Variants in IAPP observed in about 807,000 individuals in gnomAD.
IAPP encodes Islet amyloid polypeptide (diabetes-associated peptide; amylin).
Under a neutral mutation model 2.9 loss-of-function variants are expected in IAPP, and 4 were observed. The observed-to-expected ratio is 1.39, with a 90% CI of 0.69 to 3.19. IAPP has a LOEUF of 3.19. Among genes scored for constraint, IAPP ranks in the 30% most tolerant of loss-of-function variants. The pLI is 0.01. For synonymous variants in IAPP, 40 were observed against 42.1 expected, an observed-to-expected ratio of 0.95 and a Z score of 0.19; for missense variants, 114 against 105.3, an observed-to-expected ratio of 1.08 and a Z score of -0.36.
In IAPP at chr12:21,366,625, A is replaced by C. The variant is rs867956766; in HGVS notation, c.-15-6712A>C. On this transcript the variant is annotated intron_variant, in intron 1 of 2. Coordinates refer to the IAPP transcript ENST00000539393. The stretch of plus-strand genomic sequence containing the variant: ...GGGATCTGAAGGAAATGAAGACCAC[A>C]ACAGAAGGAGAATTTTGAAAAGAAA... Among the ~76,000 whole-genome samples, 10 of 152,202 alleles carry C rather than the reference A, an allele frequency of 6.6e-5. 1 individual carries two copies. The South Asian group carries it at 1.4e-3, about 22-fold the overall frequency.
intron 2 of IAPP, chr12:21,376,216 G>T (rs17680787): frequency 0.19 from 31,325 of 161,134 alleles, 3,255 homozygotes; most frequent in African/African-American, 0.27. Context: ...AGCATATAAA[G>T]TATTTCACAC....
chr12:21,365,740 A>G (rs1180815303), intron 1 of IAPP, among the ~76,000 whole-genome samples: 1 of 152,206 alleles, frequency 6.6e-6, no homozygotes, highest in East Asian at 1.9e-4. Flanking sequence ...TGGGTGAAGG[A>G]TATGAACAGA....
Position 21,362,869 on chromosome 12 carries a change from A to T in IAPP, c.-16+7856A>T, listed in dbSNP as rs534696696. Among the ~76,000 whole-genome samples, 4 of 152,348 alleles carry T rather than the reference A, an allele frequency of 2.6e-5. No individual in the cohort carries two copies. The South Asian group carries it at 6.2e-4, about 24-fold the overall frequency. Reference sequence around the variant, plus strand: ...ACTATCCTAAATATATATGCATCCAATACAGGAGCACCCAGATTCATAAAG... The same window carrying T: ...ACTATCCTAAATATATATGCATCCATTACAGGAGCACCCAGATTCATAAAG... On this transcript the variant is annotated intron_variant, in intron 1 of 2. Coordinates refer to the IAPP transcript ENST00000539393.
At chr12:21,357,963 G>A (rs1015334720) in intron 1 of IAPP, among the ~76,000 whole-genome samples, 1 of 152,160 alleles carries the variant, frequency 6.6e-6, no homozygotes. Context: ...CTAAGTGAGA[G>A]GGCACTGCTC....
chr12:21,372,729 G>A (rs779062715), upstream of IAPP, among the ~76,000 whole-genome samples: 1 of 152,164 alleles, frequency 6.6e-6, no homozygotes, highest in Non-Finnish European at 1.5e-5. Flanking sequence ...TATTTGCTAC[G>A]TTAATATTTA....
intron 1 of IAPP, among the ~76,000 whole-genome samples, chr12:21,365,256 A>G (rs1352882665): frequency 1.3e-5 from 2 of 152,164 alleles, no homozygotes; most frequent in South Asian, 2.1e-4. Context: ...ATCTACAACC[A>G]TCTGATCTTT....
At chr12:21,363,138 G>C (rs1591883048) in intron 1 of IAPP, among the ~76,000 whole-genome samples, 1 of 152,254 alleles carries the variant, frequency 6.6e-6, no homozygotes, top group Non-Finnish European at 1.5e-5. Context: ...GGACCACATA[G>C]TTGGAAGTAA....
chr12:21,357,403 AT>A (rs1384647522), intron 1 of IAPP, among the ~76,000 whole-genome samples: 1 of 152,234 alleles, frequency 6.6e-6, no homozygotes, highest in Non-Finnish European at 1.5e-5. Flanking sequence ...AGAAAGAGGC[AT>A]GGAACAGCCC....
chr12:21,358,612 T>C, intron 1 of IAPP, among the ~76,000 whole-genome samples: 1 of 152,280 alleles, frequency 6.6e-6, no homozygotes, highest in Admixed American at 6.5e-5. Context: ...ATTTTATCAC[T>C]AGTTAATACT....
intron 1 of IAPP, among the ~76,000 whole-genome samples, chr12:21,367,295 A>G (rs1939459359): frequency 6.6e-6 from 1 of 152,186 alleles, no homozygotes; most frequent in Non-Finnish European, 1.5e-5. Flanking sequence ...TATATGTTCC[A>G]TCAAAATAAG....
intron 1 of IAPP, among the ~76,000 whole-genome samples, chr12:21,363,982 G>C (rs547023958): frequency 6.6e-6 from 1 of 152,276 alleles, no homozygotes; most frequent in South Asian, 2.1e-4. Context: ...AGAGGAGCTG[G>C]TACCATTCCT....
chr12:21,360,725 C>T (rs1448487024), intron 1 of IAPP, among the ~76,000 whole-genome samples: 1 of 152,214 alleles, frequency 6.6e-6, no homozygotes, highest in African/African-American at 2.4e-5. Context: ...GCAAATGGCA[C>T]ACCAGGAGAT....
rs904381884 is a variant in IAPP at position 21,373,401 on chromosome 12, T to A, written c.50T>A (p.Leu17Ter). Residue 17 changes from leucine to a stop codon, truncating the protein, a stop_gained, in exon 2 of 3, where the codon TTG (leucine) becomes TAG (stop). Transcript: ENST00000240652. LOFTEE classifies it low-confidence loss of function (END_TRUNC). ...TTTCTCATTGTGCTCTCTGTTGCAT[T>A]GAACCATCTGAAAGCTACACCCATT... ...QVFLIVLSVA[L>*]NHLKATPIES... 5 of 1,613,330 alleles carry A rather than the reference T, an allele frequency of 3.1e-6. No individual in the cohort carries two copies. In the African/African-American group the frequency reaches 5.3e-5, roughly 17 times the overall value.
In IAPP at chr12:21,378,478, T is replaced by A. The variant is rs1940373095; in HGVS notation, c.*52T>A. ...TTTTATGTTCTAGTGATTTCCTGTA[T>A]AATTTAACAGTGCCCTTTTCATCTC... On this transcript the variant is annotated 3_prime_UTR_variant, in exon 3 of 3. Transcript: ENST00000240652. 6 of 1,461,594 alleles carry A rather than the reference T, an allele frequency of 4.1e-6. No homozygotes were observed. Among genetic ancestry groups the A allele is most frequent in the Admixed American group, 3.3e-5 (2 of 59,808 alleles). The allele number at this position is 1,461,594 out of a possible 1,614,324, so 90.5% of individuals were successfully genotyped here.
At chr12:21,358,373 A>G (rs965520120) in intron 1 of IAPP, among the ~76,000 whole-genome samples, 1 of 152,200 alleles carries the variant, frequency 6.6e-6, no homozygotes, top group African/African-American at 2.4e-5. Context: ...TTTAAAACAC[A>G]TATTTTTCCT....
At chr12:21,366,307 C>A (rs1295885971) in intron 1 of IAPP, among the ~76,000 whole-genome samples, 1 of 151,330 alleles carries the variant, frequency 6.6e-6, no homozygotes, top group Non-Finnish European at 1.5e-5. Context: ...GGACAAAAAA[C>A]CAAACACCAC....
chr12:21,363,098 C>T (rs1939062706), intron 1 of IAPP, among the ~76,000 whole-genome samples: 1 of 152,208 alleles, frequency 6.6e-6, no homozygotes, highest in South Asian at 2.1e-4. Context: ...ATACATTCTT[C>T]TCAGCAACAC....
At chr12:21,373,667 T>C in intron 2 of IAPP, 1 of 701,386 alleles carries the variant, frequency 1.4e-6, no homozygotes, top group East Asian at 2.7e-5. Context: ...TCCAGTTTTG[T>C]CAAGAAATAT....
intron 1 of IAPP, among the ~76,000 whole-genome samples, chr12:21,367,072 G>T (rs1252785285): frequency 2.6e-5 from 4 of 151,982 alleles, no homozygotes; most frequent in Non-Finnish European, 5.9e-5. Context: ...AATATATCAG[G>T]AATACAGAAA....
Sources: gnomAD v4.1 joint callset for allele counts (sites outside exome capture counted in the v4.1 genomes callset) on GRCh38, gnomAD v4.1.1 for gene constraint, MANE v1.5 for transcripts, NCBI Gene and HGNC (gene_info 2026-07-23, HGNC 2026-07-21) for gene names.